Variants in SIM1 observed in about 807,000 individuals in gnomAD.
SIM1 encodes SIM bHLH transcription factor 1, also known as single-minded homolog 1.
A neutral mutation model predicts 78.2 loss-of-function variants in SIM1; 18 were observed. The observed-to-expected ratio is 0.23, with a 90% CI of 0.16 to 0.34. The LOEUF is 0.34. Among genes scored for constraint, SIM1 ranks in the 10% least tolerant of loss-of-function variants. The probability of loss-of-function intolerance (pLI) is 1.00; values close to 1 mark genes in which losing one functional copy is unlikely to be tolerated. For missense variants in SIM1, 939 were observed against 975.1 expected, an observed-to-expected ratio of 0.96 and a Z score of 0.49; for synonymous variants, 417 against 385.2, an observed-to-expected ratio of 1.08 and a Z score of -0.97.
chr6:100,394,167 G>T, intron 10 of SIM1: 1 of 303,792 alleles, frequency 3.3e-6, no homozygotes, highest in South Asian at 7.7e-5. Context: ...ACTAGGCACT[G>T]AATGAAGTGC....
At chr6:100,391,150 T>C in intron 11 of SIM1, 59 bp from the exon 12 acceptor site, 1 of 1,497,846 alleles carries the variant, frequency 6.7e-7, no homozygotes, top group Non-Finnish European at 8.9e-7. Flanking sequence ...AAAATAAGTA[T>C]ATTTCCTTTA....
At chr6:100,448,338 T>A in intron 7 of SIM1, 86 bp from the exon 8 acceptor site, 1 of 1,352,916 alleles carries the variant, frequency 7.4e-7, no homozygotes, top group Non-Finnish European at 1.0e-6. Flanking sequence ...GTCTGACACC[T>A]AGCTGTCCGC....
intron 10 of SIM1, among the ~76,000 whole-genome samples, chr6:100,413,357 G>A (rs939482095): frequency 5.3e-5 from 8 of 152,032 alleles, no homozygotes; most frequent in Non-Finnish European, 1.0e-4. Flanking sequence ...TGGTTACCAC[G>A]GGCAACATCT....
At chr6:100,461,247 A>T (rs1386691201) in intron 2 of SIM1, among the ~76,000 whole-genome samples, 1 of 152,222 alleles carries the variant, frequency 6.6e-6, no homozygotes, top group Non-Finnish European at 1.5e-5. Flanking sequence ...ATTTATAACG[A>T]GACTTATAAT....
chr6:100,456,567 A>G (rs552070528), intron 2 of SIM1, among the ~76,000 whole-genome samples: 174 of 152,374 alleles, frequency 1.1e-3, no homozygotes, highest in African/African-American at 3.9e-3. Flanking sequence ...TTTAGACAAA[A>G]GGATTTTCCT....
At chr6:100,460,675 C>T (rs1336948596) in intron 2 of SIM1, among the ~76,000 whole-genome samples, 1 of 152,204 alleles carries the variant, frequency 6.6e-6, no homozygotes, top group African/African-American at 2.4e-5. Context: ...TGATCAGTTT[C>T]CCCAACTGCC....
At chr6:100,444,065 C>A (rs1367804928) in intron 9 of SIM1, among the ~76,000 whole-genome samples, 1 of 151,976 alleles carries the variant, frequency 6.6e-6, no homozygotes, top group Non-Finnish European at 1.5e-5. Context: ...AACCAAGACT[C>A]TTAATTTTCT....
intron 9 of SIM1, among the ~76,000 whole-genome samples, chr6:100,446,608 G>T (rs918896542): frequency 6.6e-6 from 1 of 152,238 alleles, no homozygotes; most frequent in Non-Finnish European, 1.5e-5. Flanking sequence ...AGGCTCAAAT[G>T]CAGGCCTCTG....
intron 9 of SIM1, among the ~76,000 whole-genome samples, chr6:100,421,413 A>C (rs1045076207): frequency 1.3e-5 from 2 of 152,212 alleles, no homozygotes; most frequent in Non-Finnish European, 2.9e-5. Flanking sequence ...AAGCAGGATT[A>C]TAAATAGTTA....
At chr6:100,435,863 G>T (rs574433209) in intron 9 of SIM1, among the ~76,000 whole-genome samples, 1 of 151,960 alleles carries the variant, frequency 6.6e-6, no homozygotes, top group Non-Finnish European at 1.5e-5. Flanking sequence ...CAACACAACT[G>T]CTCCCTCTCC....
intron 9 of SIM1, among the ~76,000 whole-genome samples, chr6:100,446,301 C>T (rs1253050823): frequency 6.6e-6 from 1 of 152,146 alleles, no homozygotes; most frequent in Non-Finnish European, 1.5e-5. Context: ...CACCAACTTC[C>T]TAATGTCTAA....
At chr6:100,408,135 T>C (rs372706349) in intron 10 of SIM1, among the ~76,000 whole-genome samples, 4 of 152,126 alleles carry the variant, frequency 2.6e-5, no homozygotes, top group African/African-American at 9.6e-5. Flanking sequence ...AGGTTTTTAA[T>C]CCATTCAAGT....
chr6:100,453,518 A>T (rs547495354), intron 3 of SIM1, among the ~76,000 whole-genome samples: 2 of 151,746 alleles, frequency 1.3e-5, no homozygotes, highest in Non-Finnish European at 2.9e-5. Context: ...TCCAAACCCA[A>T]CTTCTCACTT....
chr6:100,412,733 AAGAAAGAAAG>A (rs1265971577), intron 10 of SIM1, among the ~76,000 whole-genome samples: 9 of 145,010 alleles, frequency 6.2e-5, no homozygotes, highest in African/African-American at 1.8e-4. Flanking sequence ...GAAAGAAAGA[AAGAAAGAAAG>A]AAAGAAAGAA....
chr6:100,390,712 G>A lies in SIM1; in HGVS notation c.1950C>T (p.Asn650=). 2 of 1,614,148 alleles carry A rather than the reference G, an allele frequency of 1.2e-6. No individual in the cohort carries two copies. The highest frequency in any genetic ancestry group is 2.2e-5 in the South Asian group (2 of 91,078). Residue 650 remains asparagine (N), a synonymous_variant, in exon 12 of 12, where the codon AAC becomes AAT. Transcript: ENST00000369208. ...TTATCCGAGATAGTGCGGTGGGACT[G>A]TTGTCATAGTCATTTTCATGGGGGC... ...MLSPHENDYD[N]SPTALSRISS... is the part of the protein sequence containing the mutation.
chr6:100,457,003 C>G (rs897194807), intron 2 of SIM1, among the ~76,000 whole-genome samples: 1 of 152,122 alleles, frequency 6.6e-6, no homozygotes, highest in Non-Finnish European at 1.5e-5. Flanking sequence ...CATTTAGGCC[C>G]GTTCTTGGCG....
chr6:100,453,424 C>A (rs1772564003), intron 3 of SIM1, among the ~76,000 whole-genome samples: 1 of 152,144 alleles, frequency 6.6e-6, no homozygotes, highest in Non-Finnish European at 1.5e-5. Context: ...CCTCTTCTGC[C>A]TGATCTGGGG....
At chr6:100,412,228 G>A (rs1771208394) in intron 10 of SIM1, among the ~76,000 whole-genome samples, 1 of 151,938 alleles carries the variant, frequency 6.6e-6, no homozygotes, top group South Asian at 2.1e-4. Flanking sequence ...AGATCAAATG[G>A]GTGAAAGCAC....
At chr6:100,423,921 T>G (rs1200796646) in intron 9 of SIM1, among the ~76,000 whole-genome samples, 1 of 152,130 alleles carries the variant, frequency 6.6e-6, no homozygotes, top group East Asian at 1.9e-4. Context: ...AGACAGACAG[T>G]AAGAATTGTG....
Sources: allele counts gnomAD v4.1 joint callset (sites outside exome capture counted in the v4.1 genomes callset), GRCh38; gene constraint gnomAD v4.1.1; transcripts MANE v1.5; gene names NCBI Gene and HGNC (gene_info 2026-07-23, HGNC 2026-07-21).